ATM: variants seen among roughly 807,000 people sequenced by gnomAD.
The protein encoded by ATM is ATM serine/threonine kinase, also known as serine-protein kinase ATM.
ATM carries 308 observed loss-of-function variants against 387.0 expected under a neutral mutation model. The ratio of observed to expected loss-of-function variants is 0.80; its 90% CI spans 0.73 to 0.87. The LOEUF (loss-of-function observed/expected upper bound fraction) is 0.87, where lower values mean the gene tolerates loss of function less well. Ranked by LOEUF, ATM falls within the 40% of genes least tolerant of loss-of-function variation. The probability of loss-of-function intolerance (pLI) is 0.00; values close to 1 mark genes in which losing one functional copy is unlikely to be tolerated. For missense variants in ATM, 3,312 were observed against 3,560.9 expected, an observed-to-expected ratio of 0.93 and a Z score of 1.78; for synonymous variants, 1,156 against 1,187.3, an observed-to-expected ratio of 0.97 and a Z score of 0.54.
At chr11:108,318,383 A>T (rs1022027664) in intron 43 of ATM, among the ~76,000 whole-genome samples, 12 of 151,810 alleles carry the variant, frequency 7.9e-5, no homozygotes, top group Non-Finnish European at 1.0e-4. Context: ...ATAAAATAAA[A>T]AAAATAATAT....
chr11:108,243,949 TA>T lies in ATM; in HGVS notation c.497-2del, dbSNP rs2135221440. The T allele has an allele frequency of 6.5e-7, 1 of 1,537,062 alleles. No individual in the cohort carries two copies. The highest frequency in any genetic ancestry group is 8.8e-7 in the Non-Finnish European group (1 of 1,141,982). On this transcript the variant is annotated splice_polypyrimidine_tract_variant and splice_region_variant and intron_variant, in intron 5 of 62. Transcript: ENST00000675843. ...ATGACTAATAATTTTTTTTTTTTTT[TA>T]AGAATTGTTCTCTGTGTACTTCAGG...
chr11:108,317,258 T>G, intron 42 of ATM, 115 bp from the exon 43 acceptor site: 2 of 1,118,226 alleles, frequency 1.8e-6, no homozygotes, highest in Non-Finnish European at 2.6e-6. Context: ...GGATTTTAAA[T>G]GATATTGTGA....
rs1555066551 is a variant in ATM at position 108,244,108 on chromosome 11, C to A, written c.652C>A (p.Gln218Lys). ...TTTGGACTTTTTTTCCAAGGCTATTCAGTGTGCGAGGTAATCTAATCTCTT... is the reference window on the plus strand; with the variant it reads ...TTTGGACTTTTTTTCCAAGGCTATTAAGTGTGCGAGGTAATCTAATCTCTT... Reference protein sequence around the residue: ...KFLDFFSKAIQCARQEKSSSG... With the variant: ...KFLDFFSKAIKCARQEKSSSG... The change falls in exon 6 of 63, where the codon CAG becomes AAG. Residue 218 changes from glutamine (Q) to lysine (K), a missense_variant. Transcript: ENST00000675843. The A allele has an allele frequency of 6.2e-7, 1 of 1,613,654 alleles. No homozygotes were observed. Among genetic ancestry groups the A allele is most frequent in the South Asian group, 1.1e-5 (1 of 91,068 alleles).
At position 108,250,660 on chromosome 11, in the gene ATM, G is replaced by T. The variant is rs1309836108; in HGVS notation, c.1236-41G>T. 6.4e-6 allele frequency: 10 copies of T among 1,567,826 alleles called. No individual in the cohort carries two copies. The East Asian group carries it at 2.0e-4, about 32-fold the overall frequency. Reference sequence around the variant, plus strand: ...ATATTTCCTTTTAGTTTGTTAATGTGATGGAATAGTTTTCAAATTATCCTT... The same window carrying T: ...ATATTTCCTTTTAGTTTGTTAATGTTATGGAATAGTTTTCAAATTATCCTT... On this transcript the variant is annotated intron_variant, in intron 9 of 62. Coordinates refer to ENST00000675843, the MANE Select transcript of ATM (RefSeq NM_000051.4).
intron 37 of ATM, 33 bp downstream of exon 37, chr11:108,304,885 A>C (rs957659755): frequency 6.2e-7 from 1 of 1,602,438 alleles, no homozygotes; most frequent in Non-Finnish European, 8.5e-7. Context: ...TTAATACTGT[A>C]AACTCAGTTC....
intron 16 of ATM, among the ~76,000 whole-genome samples, chr11:108,261,458 A>G (rs2080881210): frequency 6.6e-6 from 1 of 152,224 alleles, no homozygotes; most frequent in Admixed American, 6.5e-5. Context: ...AACAGAAAGG[A>G]CATCCACACC....
rs527690359 is a variant in ATM at position 108,264,106 on chromosome 11, A to AGG, written c.2467-3063_2467-3062dup. On this transcript the variant is annotated intron_variant, in intron 16 of 62. Coordinates refer to ENST00000675843, the MANE Select transcript of ATM (RefSeq NM_000051.4). ...AAACTATTCCAATCAATAGAAAAAG[A>AGG]GGGAATCCTCCCTAACTCATTTTAT... Among the ~76,000 whole-genome samples, 184 of 151,972 alleles carry AGG rather than the reference A, an allele frequency of 1.2e-3. 1 individual carries two copies. The highest frequency in any genetic ancestry group is 4.3e-3 in the African/African-American group (179 of 41,312).
chr11:108,318,878 GA>G (rs1248277604), intron 43 of ATM, among the ~76,000 whole-genome samples: 6 of 149,614 alleles, frequency 4.0e-5, no homozygotes, highest in South Asian at 2.1e-4. Context: ...TGCCTTTGTA[GA>G]AAAAAAAAAT....
chr11:108,298,314 C>T (rs1428544562), intron 33 of ATM, among the ~76,000 whole-genome samples: 1 of 152,144 alleles, frequency 6.6e-6, no homozygotes, highest in Non-Finnish European at 1.5e-5. Context: ...CATTAGGAGC[C>T]TAATATCTAC....
At position 108,304,681 on chromosome 11, in the gene ATM, A is replaced by G. The variant is rs1034908940; in HGVS notation, c.5503A>G (p.Thr1835Ala). The change falls in exon 37 of 63, where the codon ACT becomes GCT. Residue 1835 changes from threonine (T) to alanine (A), a missense_variant. Coordinates refer to ENST00000675843, the MANE Select transcript of ATM (RefSeq NM_000051.4). ...ATTTGTTTGTATATTCTAGGTGAAA[A>G]CTGACTTTTGTCAGACTGTACTTCC... ...QLLKPMCEVKTDFCQTVLPYL... is the reference protein window; with the variant it reads ...QLLKPMCEVKADFCQTVLPYL... 2 of 1,613,720 alleles carry G rather than the reference A, an allele frequency of 1.2e-6. No individual in the cohort carries two copies. The highest frequency in any genetic ancestry group is 3.3e-5 in the Admixed American group (2 of 60,006).
intron 40 of ATM, 26 bp from the exon 41 acceptor site, chr11:108,315,797 A>C: frequency 6.3e-7 from 1 of 1,579,512 alleles, no homozygotes; most frequent in Non-Finnish European, 8.7e-7. Flanking sequence ...TTCCTTCTTC[A>C]ATTTTTGTTG....
intron 29 of ATM, among the ~76,000 whole-genome samples, chr11:108,292,273 T>C (rs552304379): frequency 1.8e-4 from 27 of 152,318 alleles, no homozygotes; most frequent in Admixed American, 1.3e-3. Flanking sequence ...CAAGGACAAG[T>C]AAAGTTACCA....
At chr11:108,317,564 C>T (rs747527610) in intron 43 of ATM, 43 bp downstream of exon 43, 8 of 1,535,116 alleles carry the variant, frequency 5.2e-6, no homozygotes, top group Non-Finnish European at 7.1e-6. Context: ...CCTCTCTCCT[C>T]ATTCTAAACA....
intron 45 of ATM, among the ~76,000 whole-genome samples, chr11:108,322,907 G>A (rs1658085658): frequency 6.6e-6 from 1 of 151,674 alleles, no homozygotes; most frequent in Non-Finnish European, 1.5e-5. Context: ...TGGAAGAGTT[G>A]TGTAAGGGCA....
rs376170600 is a variant in ATM at position 108,248,977 on chromosome 11, C to T, written c.1110C>T (p.Tyr370=). 12 of 1,612,036 alleles carry T rather than the reference C, an allele frequency of 7.4e-6. No individual in the cohort carries two copies. Among genetic ancestry groups the T allele is most frequent in the Admixed American group, 1.7e-5 (1 of 59,914 alleles). The change falls in exon 9 of 63, where the codon TAC becomes TAT. Residue 370 remains tyrosine (Y), a synonymous_variant. Transcript: ENST00000675843. ...DTRSLEISQS[Y]TTTQRESSDY... Reference sequence around the variant, plus strand: ...GATCCTTGGAGATTTCTCAATCTTACACTACTACACAAAGAGAATCTAGTG... The same window carrying T: ...GATCCTTGGAGATTTCTCAATCTTATACTACTACACAAAGAGAATCTAGTG...
chr11:108,336,228 C>G, intron 56 of ATM: 1 of 378,826 alleles, frequency 2.6e-6, no homozygotes, highest in South Asian at 2.4e-5. Flanking sequence ...TCACTTGAGT[C>G]CAGGAGTTTG....
At chr11:108,256,594 T>C (rs2080506561) in intron 14 of ATM, among the ~76,000 whole-genome samples, 1 of 152,168 alleles carries the variant, frequency 6.6e-6, no homozygotes, top group Admixed American at 6.5e-5. Flanking sequence ...AGATATACAG[T>C]GCCATGGTGG....
intron 45 of ATM, among the ~76,000 whole-genome samples, chr11:108,323,478 T>C (rs2136279350): frequency 6.6e-6 from 1 of 152,256 alleles, no homozygotes; most frequent in South Asian, 2.1e-4. Context: ...TAAGATCTAG[T>C]GTTTGATAGC....
At chr11:108,230,296 A>C (rs1403952475) in intron 4 of ATM, 3 of 152,172 alleles carry the variant, frequency 2.0e-5, no homozygotes, top group African/African-American at 7.2e-5. Flanking sequence ...CACGCTTGTA[A>C]TTCCAGCTAC....
Sources: allele counts gnomAD v4.1 joint callset (sites outside exome capture counted in the v4.1 genomes callset), GRCh38; gene constraint gnomAD v4.1.1; transcripts MANE v1.5; gene names NCBI Gene and HGNC (gene_info 2026-07-23, HGNC 2026-07-21).